FILIP1L: variants seen among roughly 807,000 people sequenced by gnomAD.
FILIP1L encodes the protein filamin A-interacting protein 1-like.
FILIP1L carries 55 observed loss-of-function variants against 96.6 expected under a neutral mutation model. The observed-to-expected ratio is 0.57, with a 90% confidence interval of 0.46 to 0.71. The LOEUF (loss-of-function observed/expected upper bound fraction) is 0.71, where lower values mean the gene tolerates loss of function less well. Among genes scored for constraint, FILIP1L ranks in the 30% least tolerant of loss-of-function variants. FILIP1L has a pLI of 0.00. For synonymous variants in FILIP1L, 467 were observed against 473.9 expected (o/e 0.99, Z 0.19); for missense variants, 1,304 against 1,321.2 (o/e 0.99, Z 0.20).
intron 4 of FILIP1L, among the ~76,000 whole-genome samples, chr3:99,879,673 C>T (rs532428831): frequency 2.0e-5 from 3 of 152,294 alleles, no homozygotes; most frequent in South Asian, 2.1e-4. Flanking sequence ...GCAGTTGGTA[C>T]GCTCTGCTCC....
intron 1 of FILIP1L, among the ~76,000 whole-genome samples, chr3:100,004,681 G>A (rs537459551): frequency 1.5e-4 from 23 of 152,180 alleles, no homozygotes; most frequent in Non-Finnish European, 2.6e-4. Flanking sequence ...AGCACCATAG[G>A]TGGGGGTTGA....
chr3:100,092,221 C>G (rs1359621396), intron 1 of FILIP1L, among the ~76,000 whole-genome samples: 2 of 152,052 alleles, frequency 1.3e-5, no homozygotes, highest in African/African-American at 4.8e-5. Context: ...AGTAAATATT[C>G]TATAACAGTA....
At chr3:99,977,230 A>G (rs536459990) in intron 1 of FILIP1L, among the ~76,000 whole-genome samples, 47 of 152,226 alleles carry the variant, frequency 3.1e-4, no homozygotes, top group Non-Finnish European at 5.7e-4. Context: ...AAGAAAGGCT[A>G]TATCACAGTG....
intron 4 of FILIP1L, among the ~76,000 whole-genome samples, chr3:99,914,639 T>G (rs909486077): frequency 2.6e-5 from 4 of 152,366 alleles, no homozygotes; most frequent in Admixed American, 6.5e-5. Context: ...AAATATCTTT[T>G]ACAGAAGGCA....
chr3:99,903,780 T>A (rs1438345893), intron 4 of FILIP1L, among the ~76,000 whole-genome samples: 1 of 152,132 alleles, frequency 6.6e-6, no homozygotes, highest in African/African-American at 2.4e-5. Flanking sequence ...AAAAAGTGTG[T>A]CTTTTTTTAC....
chr3:100,101,187 C>T (rs564171320), intron 1 of FILIP1L, among the ~76,000 whole-genome samples: 14 of 152,186 alleles, frequency 9.2e-5, no homozygotes, highest in African/African-American at 2.6e-4. Flanking sequence ...TCTGAGACAG[C>T]GTTATACTAA....
intron 1 of FILIP1L, among the ~76,000 whole-genome samples, chr3:100,008,609 G>A (rs1162959275): frequency 2.0e-5 from 3 of 152,146 alleles, no homozygotes; most frequent in Non-Finnish European, 4.4e-5. Context: ...GAACAATGGT[G>A]GGGTTAATAC....
At chr3:99,957,693 CTTTTTTTTTTTT>C (rs779350496) in intron 1 of FILIP1L, among the ~76,000 whole-genome samples, 6 of 19,904 alleles carry the variant, frequency 3.0e-4, no homozygotes, top group South Asian at 3.4e-3. Flanking sequence ...TTCTTTCTTT[CTTTTTTTTTTTT>C]TTTTTTTTTT....
At chr3:99,902,158 G>A (rs796976) in intron 4 of FILIP1L, among the ~76,000 whole-genome samples, 64,386 of 151,844 alleles carry the variant, frequency 0.42, 13,843 homozygotes, top group African/African-American at 0.48. Flanking sequence ...CATTTGTGGA[G>A]GACAATAAAA....
intron 1 of FILIP1L, among the ~76,000 whole-genome samples, chr3:100,086,561 A>T (rs1382328504): frequency 6.6e-6 from 1 of 152,178 alleles, no homozygotes; most frequent in African/African-American, 2.4e-5. Context: ...TTTTTAAGAA[A>T]AATTAAACTG....
Position 99,850,179 on chromosome 3 carries a change from C to A in FILIP1L, c.1497G>T (p.Met499Ile). The change falls in exon 5 of 6, where the codon ATG (methionine) becomes ATT (isoleucine). Residue 499 changes from methionine to isoleucine, a missense_variant. By Grantham distance (10) the Met-to-Ile change is conservative. Transcript: ENST00000477258. ...DLTKLKTLTV[M>I]FVDERKTMSE... ...TCATTGTTTTCCGTTCATCTACAAA[C>A]ATCACAGTTAATGTTTTCAGTTTAG... 6.2e-7 allele frequency: 1 copy of A among 1,611,314 alleles called. No homozygotes were observed.
chr3:99,884,419 T>G (rs924866278), intron 4 of FILIP1L, among the ~76,000 whole-genome samples: 2 of 152,224 alleles, frequency 1.3e-5, no homozygotes, highest in African/African-American at 4.8e-5. Flanking sequence ...TGTTAGATTA[T>G]GACATTGATT....
chr3:99,841,228 A>G (rs940475123), intron 5 of FILIP1L, among the ~76,000 whole-genome samples: 1 of 152,252 alleles, frequency 6.6e-6, no homozygotes, highest in Non-Finnish European at 1.5e-5. Flanking sequence ...ATTGGCCCAG[A>G]GTATATGTAC....
rs932878444 is a variant in FILIP1L, at chr3:99,829,896, T to G, written c.*518A>C. On this transcript the variant is annotated 3_prime_UTR_variant, in exon 6 of 6. Transcript: ENST00000477258. ...TTTCCTCCTTTAAGAATTATCACTT[T>G]GCTTTTTCCCTCCTGGTCATAAAGA... Among the ~76,000 whole-genome samples, 2 of 152,246 alleles carry G rather than the reference T, an allele frequency of 1.3e-5. No homozygotes were observed. Among genetic ancestry groups the G allele is most frequent in the African/African-American group, 4.8e-5 (2 of 41,456 alleles).
chr3:99,971,069 G>A (rs1708800271), intron 1 of FILIP1L, among the ~76,000 whole-genome samples: 1 of 152,182 alleles, frequency 6.6e-6, no homozygotes, highest in African/African-American at 2.4e-5. Context: ...TGGGCGTGGT[G>A]GCTCACGCCT....
chr3:99,890,888 T>G (rs1326756476), intron 4 of FILIP1L, among the ~76,000 whole-genome samples: 1 of 152,190 alleles, frequency 6.6e-6, no homozygotes, highest in Non-Finnish European at 1.5e-5. Context: ...TGAAGTCACG[T>G]ATCTCAGAAT....
At chr3:99,989,674 A>G (rs1576624471) in intron 1 of FILIP1L, among the ~76,000 whole-genome samples, 2 of 142,438 alleles carry the variant, frequency 1.4e-5, no homozygotes, top group Non-Finnish European at 3.1e-5. Flanking sequence ...CTATATATAT[A>G]TATATATATA....
chr3:100,005,948 G>A (rs17379739), intron 1 of FILIP1L, among the ~76,000 whole-genome samples: 32,051 of 151,998 alleles, frequency 0.21, 3,508 homozygotes, highest in South Asian at 0.26. Context: ...TCCCACCTCC[G>A]CTATTGCTTT....
intron 4 of FILIP1L, among the ~76,000 whole-genome samples, chr3:99,915,931 C>T (rs899276336): frequency 3.9e-5 from 6 of 152,200 alleles, no homozygotes; most frequent in African/African-American, 1.4e-4. Context: ...TTCTTGGCAA[C>T]TCAAAAATAT....
Sources: gnomAD v4.1 joint callset for allele counts (sites outside exome capture counted in the v4.1 genomes callset) on GRCh38, gnomAD v4.1.1 for gene constraint, MANE v1.5 for transcripts, NCBI Gene and HGNC (gene_info 2026-07-23, HGNC 2026-07-21) for gene names.